The following RAB27B variants were observed in gnomAD, a reference collection of about 807,000 sequenced individuals.
The protein encoded by RAB27B is ras-related protein Rab-27B.
A neutral mutation model predicts 24.6 loss-of-function variants in RAB27B; 15 were observed. The observed-to-expected ratio is 0.61, with a 90% CI of 0.41 to 0.94. The LOEUF (loss-of-function observed/expected upper bound fraction) is 0.94. Among genes scored for constraint, RAB27B ranks in the 40% least tolerant of loss-of-function variants. The probability of loss-of-function intolerance (pLI) is 0.00; values close to 1 mark genes in which losing one functional copy is unlikely to be tolerated. For missense variants in RAB27B, 261 were observed against 266.8 expected (o/e 0.98, Z 0.15); for synonymous variants, 105 against 92.5 (o/e 1.14, Z -0.78).
At chr18:54,755,618 G>C (rs1907980157) in intron 2 of RAB27B, among the ~76,000 whole-genome samples, 1 of 152,098 alleles carries the variant, frequency 6.6e-6, no homozygotes, top group African/African-American at 2.4e-5. Flanking sequence ...CTAAGGAGAG[G>C]TCAGATAAAA....
intron 1 of RAB27B, among the ~76,000 whole-genome samples, chr18:54,871,869 AG>A (rs143610425): frequency 1.3e-5 from 2 of 150,158 alleles, no homozygotes; most frequent in Non-Finnish European, 3.0e-5. Context: ...AAAAAAAAAA[AG>A]AAATATTAAG....
intron 1 of RAB27B, among the ~76,000 whole-genome samples, chr18:54,874,790 A>G (rs936816108): frequency 1.3e-5 from 2 of 152,168 alleles, no homozygotes; most frequent in African/African-American, 2.4e-5. Context: ...TTTTCTGAAA[A>G]TTAACAGTTT....
intron 2 of RAB27B, chr18:54,744,997 A>G (rs1910192139): frequency 5.5e-6 from 1 of 181,644 alleles, no homozygotes; most frequent in African/African-American, 2.4e-5. Flanking sequence ...AACACTGGCA[A>G]GTGGGCTTTG....
At position 54,820,189 on chromosome 18, in the gene RAB27B, C is replaced by T. The variant is rs575035273; in HGVS notation, c.-19-57378C>T. On this transcript the variant is annotated intron_variant, in intron 2 of 4. Coordinates refer to the RAB27B transcript ENST00000586570. ...TTCTAGTTCTAGATCCCTGAGGAAT[C>T]GCCACACTGACTTCCACAGTGGTTG... Among the ~76,000 whole-genome samples the T allele has an allele frequency of 9.2e-3, 1,402 of 152,242 alleles. 10 individuals are homozygous for T. The highest frequency in any genetic ancestry group is 0.016 in the Non-Finnish European group (1,113 of 68,006).
intron 2 of RAB27B, among the ~76,000 whole-genome samples, chr18:54,751,580 A>T (rs147683634): frequency 6.6e-6 from 1 of 152,150 alleles, no homozygotes; most frequent in African/African-American, 2.4e-5. Flanking sequence ...GACACAATGA[A>T]TTTAGGAAGT....
intron 2 of RAB27B, among the ~76,000 whole-genome samples, chr18:54,802,629 C>G (rs556423443): frequency 6.6e-6 from 1 of 152,230 alleles, no homozygotes; most frequent in Non-Finnish European, 1.5e-5. Context: ...GAGATATTTT[C>G]TTATTTCTAA....
Position 54,839,265 on chromosome 18 carries a change from T to G in RAB27B, c.-20+10565T>G, listed in dbSNP as rs556607631. ...AAGTCTAGGCTATTGTGTAAGAAAATCAAAAGTTTTAGTAATTTTGACTTT... is the reference window on the plus strand; with the variant it reads ...AAGTCTAGGCTATTGTGTAAGAAAAGCAAAAGTTTTAGTAATTTTGACTTT... On this transcript the variant is annotated intron_variant, in intron 1 of 5. Coordinates refer to ENST00000262094, the MANE Select transcript of RAB27B (RefSeq NM_004163.4). Among the ~76,000 whole-genome samples the G allele has an allele frequency of 3.3e-5, 5 of 152,232 alleles. No individual in the cohort carries two copies. The East Asian group carries it at 9.6e-4, about 29-fold the overall frequency.
At chr18:54,811,794 G>C (rs956879253) in intron 2 of RAB27B, among the ~76,000 whole-genome samples, 2 of 152,184 alleles carry the variant, frequency 1.3e-5, no homozygotes, top group African/African-American at 4.8e-5. Flanking sequence ...TGTCTTTGCA[G>C]CTTTCTTATT....
Position 54,879,463 on chromosome 18 carries a change from A to G in RAB27B, c.239+9A>G. On this transcript the variant is annotated intron_variant, in intron 3 of 5. Transcript: ENST00000262094. ...ACTGCGGGACAAGAGCGGTAATAGT[A>G]AATTGCTTTATTTGTGGCTACACAT... is the stretch of plus-strand genomic sequence containing the variant. The G allele has an allele frequency of 6.2e-7, 1 of 1,601,832 alleles. No homozygotes were observed. The highest frequency in any genetic ancestry group is 8.6e-7 in the Non-Finnish European group (1 of 1,168,904).
intron 1 of RAB27B, among the ~76,000 whole-genome samples, chr18:54,850,481 C>T (rs1911536859): frequency 6.6e-6 from 1 of 150,964 alleles, no homozygotes; most frequent in Admixed American, 6.6e-5. Flanking sequence ...AAGTGATTCT[C>T]TCAGCCTCCC....
At chr18:54,836,280 A>G (rs940716922) in intron 1 of RAB27B, among the ~76,000 whole-genome samples, 1 of 151,926 alleles carries the variant, frequency 6.6e-6, no homozygotes, top group Non-Finnish European at 1.5e-5. Context: ...TTCCCAGCAG[A>G]TCTTCTTATC....
intron 2 of RAB27B, among the ~76,000 whole-genome samples, chr18:54,761,450 A>G (rs1009150802): frequency 3.9e-5 from 6 of 152,204 alleles, no homozygotes; most frequent in African/African-American, 1.4e-4. Context: ...TTGAATTGCA[A>G]CAAAATATAC....
intron 2 of RAB27B, among the ~76,000 whole-genome samples, chr18:54,809,281 G>A (rs1410514654): frequency 6.6e-6 from 1 of 152,166 alleles, no homozygotes; most frequent in Non-Finnish European, 1.5e-5. Flanking sequence ...GGTATTAAGA[G>A]TTTTGTCTGT....
intron 2 of RAB27B, among the ~76,000 whole-genome samples, chr18:54,720,401 A>G (rs1466644746): frequency 6.6e-6 from 1 of 152,122 alleles, no homozygotes; most frequent in Non-Finnish European, 1.5e-5. Context: ...GTTCCAATAA[A>G]TAGTAAATCT....
chr18:54,789,145 C>T (rs1359656244), intron 2 of RAB27B, among the ~76,000 whole-genome samples: 2 of 152,180 alleles, frequency 1.3e-5, no homozygotes, highest in African/African-American at 2.4e-5. Context: ...TAGGCCATTA[C>T]AGGCAGAGCT....
At chr18:54,869,585 TG>T (rs1309992205) in intron 1 of RAB27B, among the ~76,000 whole-genome samples, 1 of 152,124 alleles carries the variant, frequency 6.6e-6, no homozygotes, top group Non-Finnish European at 1.5e-5. Context: ...AGCAGAATTG[TG>T]GGTGTGATTA....
chr18:54,775,368 G>A (rs1361121116), intron 2 of RAB27B, among the ~76,000 whole-genome samples: 1 of 152,080 alleles, frequency 6.6e-6, no homozygotes, highest in Non-Finnish European at 1.5e-5. Flanking sequence ...CAGAAAACAG[G>A]GTAGATTTCT....
chr18:54,894,310 G>A lies in RAB27B; in HGVS notation c.*4897G>A, dbSNP rs924464143. On this transcript the variant is annotated 3_prime_UTR_variant, in exon 6 of 6. Transcript: ENST00000262094. ...ATCTTTTCATTAAGTGGATTCCCTG[G>A]TTCCTTTCCAGCTGGTTGTGGAAGT... The A allele has an allele frequency of 6.6e-6, 1 of 151,920 alleles. No homozygotes were observed. Among genetic ancestry groups the A allele is most frequent in the Non-Finnish European group, 1.5e-5 (1 of 67,906 alleles). 9.4% of individuals were successfully genotyped at this position (151,920 alleles called of 1,614,324 possible). A position where few individuals can be genotyped will look rare whatever the true frequency, so the allele number is the denominator to read the frequency against.
chr18:54,851,523 T>C (rs1911588812), intron 1 of RAB27B, among the ~76,000 whole-genome samples: 1 of 152,172 alleles, frequency 6.6e-6, no homozygotes, highest in African/African-American at 2.4e-5. Flanking sequence ...ATACAGGACA[T>C]CAGTTAAATG....
Sources: allele counts gnomAD v4.1 joint callset (sites outside exome capture counted in the v4.1 genomes callset), GRCh38; gene constraint gnomAD v4.1.1; transcripts MANE v1.5; gene names NCBI Gene and HGNC (gene_info 2026-07-23, HGNC 2026-07-21).